The following SCN3A variants were observed in gnomAD, a reference collection of about 807,000 sequenced individuals.
SCN3A encodes the protein sodium channel protein type 3 subunit alpha.
In SCN3A, 60 loss-of-function variants were observed where a neutral mutation model predicts 187.6. The observed-to-expected ratio is 0.32, with a 90% CI of 0.26 to 0.40. The LOEUF is 0.40. Among genes scored for constraint, SCN3A ranks in the 10% least tolerant of loss-of-function variants. The probability of loss-of-function intolerance (pLI) is 1.00; values close to 1 mark genes in which losing one functional copy is unlikely to be tolerated. For missense variants in SCN3A, 1,601 were observed against 2,428.2 expected, an observed-to-expected ratio of 0.66 and a Z score of 7.16; for synonymous variants, 788 against 829.2, an observed-to-expected ratio of 0.95 and a Z score of 0.85.
chr2:165,199,830 C>T (rs190696898), intron 1 of SCN3A, among the ~76,000 whole-genome samples: 63 of 151,962 alleles, frequency 4.1e-4, no homozygotes, highest in African/African-American at 1.3e-3. Flanking sequence ...TATTCTGCTC[C>T]GAAATAGGTG....
At chr2:165,177,018 A>T (rs1690512479) in intron 2 of SCN3A, among the ~76,000 whole-genome samples, 1 of 152,208 alleles carries the variant, frequency 6.6e-6, no homozygotes, top group African/African-American at 2.4e-5. Context: ...CGTTGTCAGC[A>T]TCATTGACAA....
intron 2 of SCN3A, among the ~76,000 whole-genome samples, chr2:165,184,432 G>C (rs1691089133): frequency 6.8e-6 from 1 of 146,114 alleles, no homozygotes; most frequent in Admixed American, 7.0e-5. Context: ...AAGCTTAGGT[G>C]CAGGTAGACT....
At chr2:165,199,517 T>A (rs150380655) in intron 1 of SCN3A, among the ~76,000 whole-genome samples, 101 of 152,038 alleles carry the variant, frequency 6.6e-4, no homozygotes, top group African/African-American at 2.4e-3. Context: ...AAAACCTTCT[T>A]TAAAGTTCTT....
At chr2:165,135,229 A>G (rs886705162) in intron 15 of SCN3A, among the ~76,000 whole-genome samples, 1 of 152,094 alleles carries the variant, frequency 6.6e-6, no homozygotes, top group Non-Finnish European at 1.5e-5. Context: ...AAAAAACAAA[A>G]CAAAACAAAA....
At chr2:165,133,987 A>G (rs999397646) in intron 15 of SCN3A, among the ~76,000 whole-genome samples, 22 of 152,170 alleles carry the variant, frequency 1.4e-4, no homozygotes, top group African/African-American at 5.1e-4. Context: ...TTTTATAAAC[A>G]TTCCTGAAAC....
chr2:165,142,910 C>A (rs568084070), intron 12 of SCN3A, among the ~76,000 whole-genome samples: 1 of 152,026 alleles, frequency 6.6e-6, no homozygotes, highest in Non-Finnish European at 1.5e-5. Context: ...CGCCACCACA[C>A]CTGGCTAAGT....
rs889022668 is a variant in SCN3A at position 165,088,904 on chromosome 2, G to C, written c.*1246C>G. 1 of 152,498 alleles carries C rather than the reference G, an allele frequency of 6.6e-6. No individual in the cohort carries two copies. The highest frequency in any genetic ancestry group is 6.6e-5 in the Admixed American group (1 of 15,256). 9.4% of individuals were successfully genotyped at this position (152,498 alleles called of 1,614,324 possible). A position where few individuals can be genotyped will look rare whatever the true frequency, so the allele number is the denominator to read the frequency against. On this transcript the variant is annotated 3_prime_UTR_variant, in exon 28 of 28. Coordinates refer to ENST00000283254, the MANE Select transcript of SCN3A (RefSeq NM_006922.4). ...ATATGATACTCATGTTGAATTAAAA[G>C]TGCAAAAGTAAAGGTGTTTGTAAAT...
At chr2:165,176,833 G>A (rs1177619124) in intron 2 of SCN3A, among the ~76,000 whole-genome samples, 1 of 152,136 alleles carries the variant, frequency 6.6e-6, no homozygotes, top group African/African-American at 2.4e-5. Context: ...AGTAATGCCA[G>A]TAAAGTTTGT....
intron 27 of SCN3A, chr2:165,091,699 T>C (rs1685115004): frequency 3.3e-6 from 1 of 307,288 alleles, no homozygotes; most frequent in Admixed American, 4.8e-5. Flanking sequence ...TTCTATTTTT[T>C]AATGATACTC....
chr2:165,197,328 G>C (rs1410045487), intron 1 of SCN3A, among the ~76,000 whole-genome samples: 2 of 151,996 alleles, frequency 1.3e-5, no homozygotes, highest in African/African-American at 2.4e-5. Context: ...TCTTTCTCTA[G>C]TCAATTGGTT....
intron 10 of SCN3A, 91 bp downstream of exon 10, chr2:165,155,671 T>G (rs2105865871): frequency 6.8e-7 from 1 of 1,462,530 alleles, no homozygotes; most frequent in South Asian, 1.2e-5. Context: ...AGTGCTAGGG[T>G]TACAGGCATG....
chr2:165,098,924 A>G (rs1685480399), intron 22 of SCN3A, among the ~76,000 whole-genome samples: 1 of 152,258 alleles, frequency 6.6e-6, no homozygotes, highest in Non-Finnish European at 1.5e-5. Context: ...GAGCTTAAGT[A>G]TTATGAGTAA....
At chr2:165,181,640 A>G (rs1322503274) in intron 2 of SCN3A, among the ~76,000 whole-genome samples, 1 of 152,176 alleles carries the variant, frequency 6.6e-6, no homozygotes, top group Non-Finnish European at 1.5e-5. Flanking sequence ...CTTTTCCTGA[A>G]GTGACAGGCT....
chr2:165,125,069 C>A (rs545824921), intron 18 of SCN3A, among the ~76,000 whole-genome samples: 1 of 152,250 alleles, frequency 6.6e-6, no homozygotes, highest in Non-Finnish European at 1.5e-5. Context: ...ATTCAACCAA[C>A]ACTTACCTCA....
chr2:165,139,099 A>T (rs1231196271), intron 14 of SCN3A, among the ~76,000 whole-genome samples: 4 of 152,134 alleles, frequency 2.6e-5, no homozygotes, highest in Non-Finnish European at 5.9e-5. Context: ...CAACCCCATC[A>T]ACACTTCCAT....
At chr2:165,156,542 A>AAAAAAAAAAAAAAAAAAAAC (rs1689056537) in intron 9 of SCN3A, among the ~76,000 whole-genome samples, 1 of 118,312 alleles carries the variant, frequency 8.5e-6, no homozygotes, top group African/African-American at 3.1e-5. Flanking sequence ...AAAAAAAAAA[A>AAAAAAAAAAAAAAAAAAAAC]AAAAAAAAAA....
chr2:165,136,485 T>C (rs1574185852), intron 15 of SCN3A, among the ~76,000 whole-genome samples: 1 of 152,186 alleles, frequency 6.6e-6, no homozygotes, highest in Admixed American at 6.6e-5. Context: ...ACAACAACTC[T>C]GCACGAAGGG....
At chr2:165,115,680 T>A in intron 18 of SCN3A, 105 bp from the exon 19 acceptor site, 3 of 1,009,958 alleles carry the variant, frequency 3.0e-6, no homozygotes, top group Non-Finnish European at 4.7e-6. Context: ...TGATAGCATT[T>A]AACTCTATTA....
intron 3 of SCN3A, among the ~76,000 whole-genome samples, chr2:165,171,751 G>C (rs975890003): frequency 1.1e-4 from 16 of 151,972 alleles, no homozygotes; most frequent in Admixed American, 8.5e-4. Context: ...CATGTTGCTT[G>C]TAATTATAGT....
Sources: allele counts gnomAD v4.1 joint callset (sites outside exome capture counted in the v4.1 genomes callset), GRCh38; gene constraint gnomAD v4.1.1; transcripts MANE v1.5; gene names NCBI Gene and HGNC (gene_info 2026-07-23, HGNC 2026-07-21).